Variants in BTG4 observed in about 807,000 individuals in gnomAD.
BTG4 encodes protein BTG4.
Under a neutral mutation model 19.3 loss-of-function variants are expected in BTG4, and 10 were observed. The observed-to-expected ratio is 0.52, with a 90% CI of 0.32 to 0.88. The LOEUF (loss-of-function observed/expected upper bound fraction) is 0.88. Ranked by LOEUF, BTG4 falls within the 40% of genes least tolerant of loss-of-function variation. BTG4 has a pLI of 0.04. For synonymous variants in BTG4, 91 were observed against 95.7 expected, an observed-to-expected ratio of 0.95 and a Z score of 0.29; for missense variants, 238 against 281.9, an observed-to-expected ratio of 0.84 and a Z score of 1.11.
chr11:111,472,193 C>T (rs1864108538), intron 5 of BTG4, among the ~76,000 whole-genome samples: 1 of 152,178 alleles, frequency 6.6e-6, no homozygotes, highest in Non-Finnish European at 1.5e-5. Context: ...GAGCAAAAGC[C>T]AAATAATATT....
chr11:111,425,980 G>A, the BTG4 span, among the ~76,000 whole-genome samples: 18 of 152,222 alleles, frequency 1.2e-4, no homozygotes, highest in Non-Finnish European at 1.0e-4. Context: ...TCAGTGAGCC[G>A]AGATTGCGCC....
the BTG4 span, among the ~76,000 whole-genome samples, chr11:111,426,416 A>G: frequency 1.3e-5 from 2 of 152,328 alleles, no homozygotes. Context: ...CTTTGGCAAA[A>G]GAAAAGGAGA....
intron 1 of BTG4, among the ~76,000 whole-genome samples, chr11:111,509,659 G>C (rs1866721020): frequency 6.6e-6 from 1 of 151,602 alleles, no homozygotes; most frequent in South Asian, 2.1e-4. Context: ...TCACGTCACT[G>C]CACTCCAGCT....
chr11:111,435,892 C>T, the BTG4 span, among the ~76,000 whole-genome samples: 1 of 152,170 alleles, frequency 6.6e-6, no homozygotes, highest in African/African-American at 2.4e-5. Context: ...GGTTTATGCT[C>T]ACAAGCCCCA....
intron 1 of BTG4, among the ~76,000 whole-genome samples, chr11:111,508,943 T>C (rs892473611): frequency 2.0e-5 from 3 of 152,038 alleles, no homozygotes; most frequent in Non-Finnish European, 4.4e-5. Context: ...ATGGAAAATA[T>C]GCAACCTGTT....
At chr11:111,499,831 T>G (rs1307629034) in intron 1 of BTG4, among the ~76,000 whole-genome samples, 1 of 152,168 alleles carries the variant, frequency 6.6e-6, no homozygotes, top group Non-Finnish European at 1.5e-5. Flanking sequence ...CTGGACTCAC[T>G]GTGTTTCTTG....
At chr11:111,455,194 A>G in the BTG4 span, 1 of 396,940 alleles carries the variant, frequency 2.5e-6, no homozygotes, top group East Asian at 7.3e-5. Context: ...AACCTGTTCC[A>G]TCTCCCTGGC....
At chr11:111,398,420 A>G in the BTG4 span, among the ~76,000 whole-genome samples, 1 of 152,152 alleles carries the variant, frequency 6.6e-6, no homozygotes, top group East Asian at 1.9e-4. Context: ...TTTCTGATTC[A>G]GGAGGTCTCG....
intron 5 of BTG4, among the ~76,000 whole-genome samples, chr11:111,476,668 G>A (rs1864415847): frequency 6.6e-6 from 1 of 152,088 alleles, no homozygotes; most frequent in South Asian, 2.1e-4. Context: ...TTACCATTTT[G>A]ATTGAAATCG....
At chr11:111,448,200 G>C in the BTG4 span, among the ~76,000 whole-genome samples, 1 of 152,212 alleles carries the variant, frequency 6.6e-6, no homozygotes. Context: ...TGCAAAAGAA[G>C]AGCGAGACCC....
chr11:111,437,902 G>A, the BTG4 span, among the ~76,000 whole-genome samples: 1 of 152,022 alleles, frequency 6.6e-6, no homozygotes, highest in African/African-American at 2.4e-5. Context: ...ATAGCCCAAG[G>A]ACCAAGCTCA....
chr11:111,489,994 G>A (rs758680072), downstream of BTG4, among the ~76,000 whole-genome samples: 105 of 151,946 alleles, frequency 6.9e-4, 1 homozygote, highest in Non-Finnish European at 1.4e-3. Flanking sequence ...GAAAGTGGCC[G>A]GGTGCAGTGG....
upstream of BTG4, chr11:111,514,136 T>A (rs1008187788): frequency 6.5e-6 from 1 of 154,060 alleles, no homozygotes; most frequent in Non-Finnish European, 1.4e-5. Context: ...CTCATTAAGA[T>A]GTATCCCTTC....
At chr11:111,417,369 G>A in the BTG4 span, 1 of 152,238 alleles carries the variant, frequency 6.6e-6, no homozygotes, top group Non-Finnish European at 1.5e-5. Context: ...CTTGTCACAA[G>A]GTCATCGCCT....
chr11:111,402,995 C>T, the BTG4 span, among the ~76,000 whole-genome samples: 1 of 152,032 alleles, frequency 6.6e-6, no homozygotes, highest in African/African-American at 2.4e-5. Context: ...TAAATGGGAG[C>T]CCCAAAGCAA....
downstream of BTG4, among the ~76,000 whole-genome samples, chr11:111,464,075 C>T (rs773360669): frequency 3.3e-5 from 5 of 152,226 alleles, no homozygotes; most frequent in Non-Finnish European, 4.4e-5. Flanking sequence ...CCACTCACTG[C>T]AACCTCTGCC....
At chr11:111,478,702 A>AAAATGT (rs1864545715) in intron 5 of BTG4, among the ~76,000 whole-genome samples, 1 of 152,166 alleles carries the variant, frequency 6.6e-6, no homozygotes, top group Non-Finnish European at 1.5e-5. Flanking sequence ...TTAGAAATGA[A>AAAATGT]AAATGTAAAA....
the BTG4 span, among the ~76,000 whole-genome samples, chr11:111,460,863 A>C: frequency 6.6e-6 from 1 of 152,112 alleles, no homozygotes; most frequent in Non-Finnish European, 1.5e-5. Flanking sequence ...TTTCCTGCCC[A>C]TTCCTCTCCC....
chr11:111,407,268 A>G, the BTG4 span, among the ~76,000 whole-genome samples: 2,693 of 150,240 alleles, frequency 0.018, 30 homozygotes, highest in Non-Finnish European at 0.031. Context: ...AACATATATT[A>G]TATATACTAT....
Sources: allele counts gnomAD v4.1 joint callset (sites outside exome capture counted in the v4.1 genomes callset), GRCh38; gene constraint gnomAD v4.1.1; transcripts MANE v1.5; gene names NCBI Gene and HGNC (gene_info 2026-07-23, HGNC 2026-07-21).